EYS: variants seen among roughly 807,000 people sequenced by gnomAD.
EYS encodes protein eyes shut homolog.
In EYS, 250 loss-of-function variants were observed where a neutral mutation model predicts 282.1. The observed-to-expected ratio is 0.89, with a 90% CI of 0.80 to 0.98. The LOEUF is 0.98. Ranked by LOEUF, EYS falls within the 50% of genes least tolerant of loss-of-function variation. EYS has a pLI of 0.00. For synonymous variants in EYS, 1,355 were observed against 1,282.9 expected (o/e 1.06, Z -1.20); for missense variants, 4,016 against 3,709.0 (o/e 1.08, Z -2.15).
chr6:64,614,239 G>A (rs992562656), intron 24 of EYS, among the ~76,000 whole-genome samples: 11 of 152,028 alleles, frequency 7.2e-5, no homozygotes, highest in South Asian at 4.1e-4. Flanking sequence ...AATATAAGAC[G>A]AAATTTTGAC....
At chr6:64,627,831 G>A (rs982225770) in intron 22 of EYS, among the ~76,000 whole-genome samples, 3 of 152,170 alleles carry the variant, frequency 2.0e-5, no homozygotes, top group African/African-American at 4.8e-5. Flanking sequence ...TGTAATCCCA[G>A]CATTTTGGGA....
intron 36 of EYS, among the ~76,000 whole-genome samples, chr6:63,833,229 A>G (rs1771697775): frequency 6.6e-6 from 1 of 152,116 alleles, no homozygotes; most frequent in Non-Finnish European, 1.5e-5. Context: ...CAATCAAGCA[A>G]GAGAAAGAAA....
intron 12 of EYS, among the ~76,000 whole-genome samples, chr6:65,161,833 T>C (rs1764857270): frequency 6.6e-6 from 1 of 151,204 alleles, no homozygotes; most frequent in South Asian, 2.1e-4. Context: ...CTCAGTATCC[T>C]TTATTTATGC....
chr6:65,549,849 G>T (rs369809047), intron 2 of EYS, among the ~76,000 whole-genome samples: 2 of 152,044 alleles, frequency 1.3e-5, no homozygotes, highest in African/African-American at 2.4e-5. Flanking sequence ...AATGGCTGCC[G>T]CCCATTGGCC....
At chr6:64,324,863 C>A (rs1365133835) in intron 29 of EYS, among the ~76,000 whole-genome samples, 1 of 152,062 alleles carries the variant, frequency 6.6e-6, no homozygotes, top group South Asian at 2.1e-4. Flanking sequence ...ATCTTGTTTA[C>A]AGTAACCACA....
chr6:64,453,702 T>C (rs1775450989), intron 26 of EYS, among the ~76,000 whole-genome samples: 1 of 152,178 alleles, frequency 6.6e-6, no homozygotes, highest in Non-Finnish European at 1.5e-5. Context: ...CTCATGTCCT[T>C]TGTAGGAACA....
chr6:63,763,473 A>G (rs1769701377), intron 40 of EYS, among the ~76,000 whole-genome samples: 1 of 151,956 alleles, frequency 6.6e-6, no homozygotes, highest in South Asian at 2.1e-4. Context: ...CTCATCTTGA[A>G]TTGTAGTTGG....
At chr6:65,533,063 T>G (rs1019044044) in intron 2 of EYS, among the ~76,000 whole-genome samples, 3 of 152,108 alleles carry the variant, frequency 2.0e-5, no homozygotes, top group African/African-American at 7.2e-5. Context: ...AAATTACTAA[T>G]ATTAGCTGCT....
chr6:65,092,307 T>C (rs1774596736), intron 12 of EYS, among the ~76,000 whole-genome samples: 1 of 152,164 alleles, frequency 6.6e-6, no homozygotes, highest in African/African-American at 2.4e-5. Context: ...GGTCTAACAA[T>C]GAAATTCTCA....
At chr6:64,416,253 A>G in intron 28 of EYS, among the ~76,000 whole-genome samples, 1 of 152,182 alleles carries the variant, frequency 6.6e-6, no homozygotes, top group East Asian at 1.9e-4. Flanking sequence ...GTACTTTCAA[A>G]GTCAAATCCC....
intron 12 of EYS, among the ~76,000 whole-genome samples, chr6:65,182,039 C>G (rs947474938): frequency 6.6e-6 from 1 of 151,720 alleles, no homozygotes. Flanking sequence ...AGGGGAACAT[C>G]ACACACCGGG....
chr6:64,101,205 A>AT (rs34888718), intron 31 of EYS, among the ~76,000 whole-genome samples: 37,686 of 148,660 alleles, frequency 0.25, 4,862 homozygotes, highest in East Asian at 0.42. Flanking sequence ...ATTTTAATAG[A>AT]TTTTTTTTTT....
intron 35 of EYS, among the ~76,000 whole-genome samples, chr6:63,932,651 G>T (rs1764932229): frequency 6.6e-6 from 1 of 152,052 alleles, no homozygotes; most frequent in Non-Finnish European, 1.5e-5. Flanking sequence ...AGCTAATAAA[G>T]GTATAGGAAA....
Position 65,326,342 on chromosome 6 carries a change from TA to T in EYS, c.1766+8637del, listed in dbSNP as rs201661372. On this transcript the variant is annotated intron_variant, in intron 11 of 42. Transcript: ENST00000503581. ...TTATCTGATAAATTTTTAAATGGTG[TA>T]ATTTTTTTCTACCATTGATTAGAAA... Among the ~76,000 whole-genome samples the T allele has an allele frequency of 8.7e-4, 132 of 151,748 alleles. 1 individual carries two copies. Among genetic ancestry groups the T allele is most frequent in the African/African-American group, 2.7e-3 (114 of 41,498 alleles).
intron 22 of EYS, among the ~76,000 whole-genome samples, chr6:64,638,140 T>G (rs1411667806): frequency 2.2e-5 from 2 of 90,930 alleles, no homozygotes; most frequent in Non-Finnish European, 4.7e-5. Flanking sequence ...TACAACTATA[T>G]GATATTTTAA....
At chr6:64,217,202 A>C (rs1467223992) in intron 31 of EYS, among the ~76,000 whole-genome samples, 1 of 152,184 alleles carries the variant, frequency 6.6e-6, no homozygotes, top group Non-Finnish European at 1.5e-5. Flanking sequence ...CTCCTCTGAC[A>C]CTAGGTATAA....
At chr6:65,195,749 C>T (rs2150242646) in intron 12 of EYS, among the ~76,000 whole-genome samples, 3 of 152,098 alleles carry the variant, frequency 2.0e-5, no homozygotes, top group Admixed American at 2.0e-4. Context: ...CATGCAAAAG[C>T]CTCTGTTATT....
At position 65,368,115 on chromosome 6, in the gene EYS, C is replaced by T. The variant is rs1485638607; in HGVS notation, c.1300-14498G>A. 4.6e-5 allele frequency among the ~76,000 whole-genome samples: 7 copies of T among 151,478 alleles called. No homozygotes were observed. In the East Asian group the frequency reaches 1.4e-3, roughly 29 times the overall value. ...GCTGAGCAAAAGGGCAAAAAAGCTC[C>T]TTAAAAAAAACCATCAGATATTGTG... On this transcript the variant is annotated intron_variant, in intron 8 of 42. Coordinates refer to ENST00000503581, the MANE Select transcript of EYS (RefSeq NM_001142800.2).
chr6:64,774,932 C>G (rs1207667483), intron 22 of EYS, among the ~76,000 whole-genome samples: 1 of 151,940 alleles, frequency 6.6e-6, no homozygotes, highest in Non-Finnish European at 1.5e-5. Flanking sequence ...GTATTTGCAA[C>G]TATTTCATGT....
Sources: allele counts gnomAD v4.1 joint callset (sites outside exome capture counted in the v4.1 genomes callset), GRCh38; gene constraint gnomAD v4.1.1; transcripts MANE v1.5; gene names NCBI Gene and HGNC (gene_info 2026-07-23, HGNC 2026-07-21).